The following ATP10B variants were observed in gnomAD, a reference collection of about 807,000 sequenced individuals.
The protein encoded by ATP10B is phospholipid-transporting ATPase VB.
In ATP10B, 122 loss-of-function variants were observed where a neutral mutation model predicts 141.2. That is an observed-to-expected ratio of 0.86 (90% confidence interval 0.75 to 1.00). ATP10B has a LOEUF of 1.00. Among genes scored for constraint, ATP10B ranks in the 50% least tolerant of loss-of-function variants. ATP10B has a pLI of 0.00. For synonymous variants in ATP10B, 685 were observed against 692.0 expected, an observed-to-expected ratio of 0.99 and a Z score of 0.16; for missense variants, 1,876 against 1,825.3, an observed-to-expected ratio of 1.03 and a Z score of -0.51.
the ATP10B span, among the ~76,000 whole-genome samples, chr5:160,870,128 A>G: frequency 6.6e-6 from 1 of 152,098 alleles, no homozygotes; most frequent in Non-Finnish European, 1.5e-5. Context: ...GAGAAGAAAA[A>G]TACCTAATTC....
At chr5:160,882,312 T>C in the ATP10B span, among the ~76,000 whole-genome samples, 1 of 152,178 alleles carries the variant, frequency 6.6e-6, no homozygotes, top group African/African-American at 2.4e-5. Flanking sequence ...TATGCCATTC[T>C]GGTGGGGGAT....
chr5:160,686,035 C>A, intron 6 of ATP10B, 44 bp downstream of exon 6: 1 of 1,437,886 alleles, frequency 7.0e-7, no homozygotes, highest in Non-Finnish European at 9.3e-7. Context: ...GATGAGTTTG[C>A]CTAACCCATT....
chr5:160,726,243 G>T (rs985406915), intron 2 of ATP10B, among the ~76,000 whole-genome samples: 1 of 152,174 alleles, frequency 6.6e-6, no homozygotes, highest in Non-Finnish European at 1.5e-5. Context: ...GGATAAGTGC[G>T]GGGTTTTTCT....
In ATP10B at chr5:160,565,590, A is replaced by C; in HGVS notation, c.4249T>G (p.Ser1417Ala). The change falls in exon 26 of 26, where the codon TCC (serine) becomes GCC (alanine). Residue 1417 changes from serine to alanine, a missense_variant. Transcript: ENST00000327245. ...CMRDDSCSGD[S>A]SAQLSSGEHL... ...TCCCCGGATGAGAGTTGAGCTGAGG[A>C]GTCCCCTGAGCATGAGTCATCCCTC... The C allele has an allele frequency of 1.9e-6, 3 of 1,614,116 alleles. No individual in the cohort carries two copies. Among genetic ancestry groups the C allele is most frequent in the East Asian group, 2.2e-5 (1 of 44,852 alleles).
rs149749889 is a variant in ATP10B, at chr5:160,787,813, G to A, written c.-575-2010C>T. 2.8e-4 allele frequency among the ~76,000 whole-genome samples: 43 copies of A among 152,212 alleles called. 1 individual carries two copies. In the South Asian group the frequency reaches 3.1e-3, roughly 11 times the overall value. ...TCCCTGTCTATCAAATAAGGAAGCC[G>A]TGTGTGCTAGATCAGAAGTTATAAA... On this transcript the variant is annotated intron_variant, in intron 1 of 25. Coordinates refer to ENST00000327245, the MANE Select transcript of ATP10B (RefSeq NM_025153.3).
At chr5:160,657,041 C>T (rs553637716) in intron 7 of ATP10B, among the ~76,000 whole-genome samples, 16 of 152,198 alleles carry the variant, frequency 1.1e-4, no homozygotes, top group African/African-American at 2.9e-4. Flanking sequence ...AGCAAAATGG[C>T]GGCACTGACC....
chr5:160,925,295 TA>T, the ATP10B span, among the ~76,000 whole-genome samples: 2 of 152,204 alleles, frequency 1.3e-5, no homozygotes, highest in African/African-American at 4.8e-5. Flanking sequence ...GAGGGAAAAG[TA>T]GCAGCAGCAG....
At chr5:160,718,502 TTATTTAGC>T (rs1765788495) in intron 2 of ATP10B, among the ~76,000 whole-genome samples, 1 of 152,168 alleles carries the variant, frequency 6.6e-6, no homozygotes, top group Non-Finnish European at 1.5e-5. Flanking sequence ...GAAAAGAAGT[TTATTTAGC>T]TTATAGTTTT....
At chr5:160,719,623 C>T (rs569897205) in intron 2 of ATP10B, among the ~76,000 whole-genome samples, 4 of 152,078 alleles carry the variant, frequency 2.6e-5, no homozygotes, top group South Asian at 4.2e-4. Flanking sequence ...TCAAGAGATC[C>T]GTATGTAAAG....
chr5:160,656,133 C>T (rs577949473), intron 7 of ATP10B, among the ~76,000 whole-genome samples: 3 of 152,210 alleles, frequency 2.0e-5, no homozygotes, highest in South Asian at 2.1e-4. Context: ...AATTAATGAT[C>T]GAATTGATCA....
intron 6 of ATP10B, among the ~76,000 whole-genome samples, chr5:160,671,969 C>CTTTTTTTTTTTTTTT (rs70990741): frequency 2.9e-5 from 2 of 68,388 alleles, no homozygotes; most frequent in Non-Finnish European, 4.8e-5. Context: ...GCAATGCATC[C>CTTTTTTTTTTTTTTT]TTTTTTTTTT....
intron 2 of ATP10B, among the ~76,000 whole-genome samples, chr5:160,718,773 C>T (rs1765802745): frequency 6.6e-6 from 1 of 152,102 alleles, no homozygotes; most frequent in South Asian, 2.1e-4. Context: ...GGGATCCGAC[C>T]CCATGGCCCA....
chr5:160,880,600 A>G, the ATP10B span, among the ~76,000 whole-genome samples: 89,138 of 152,044 alleles, frequency 0.59, 28,875 homozygotes, highest in East Asian at 0.85. Context: ...TCAACAGCAC[A>G]GAGTGGAGAG....
chr5:160,602,756 G>T, intron 20 of ATP10B, 54 bp from the exon 21 acceptor site: 1 of 1,610,148 alleles, frequency 6.2e-7, no homozygotes, highest in Non-Finnish European at 8.5e-7. Flanking sequence ...CAGTGCCCCA[G>T]AGGGACTCTC....
chr5:160,640,349 G>A, intron 10 of ATP10B, 112 bp downstream of exon 10: 1 of 1,220,194 alleles, frequency 8.2e-7, no homozygotes, highest in Admixed American at 2.3e-5. Flanking sequence ...CGTTAAAGTG[G>A]GCAGGGTAGG....
Position 160,704,914 on chromosome 5 carries a change from C to CTTTTTTTTTTTTTTTTTTTTTTTTT in ATP10B, c.-205+11994_-205+11995insAAAAAAAAAAAAAAAAAAAAAAAAA, listed in dbSNP as rs1170629163. ...TGCTAGCTTCCAACATTTCTTTCAT[C>CTTTTTTTTTTTTTTTTTTTTTTTTT]TTTTTTTTTTTTTTTTTTTTTGTTG... On this transcript the variant is annotated intron_variant, in intron 3 of 25. Coordinates refer to ENST00000327245, the MANE Select transcript of ATP10B (RefSeq NM_025153.3). 2.3e-3 allele frequency among the ~76,000 whole-genome samples: 192 copies of CTTTTTTTTTTTTTTTTTTTTTTTTT among 83,634 alleles called. 8 individuals carry two copies. The highest frequency in any genetic ancestry group is 4.2e-3 in the African/African-American group (72 of 17,230). 54.9% of individuals were successfully genotyped at this position (83,634 alleles called of 152,430 possible).
At chr5:160,605,867 CT>C (rs768113723) in intron 19 of ATP10B, among the ~76,000 whole-genome samples, 45 of 152,146 alleles carry the variant, frequency 3.0e-4, no homozygotes, top group Non-Finnish European at 1.2e-4. Flanking sequence ...TCATGGTCTA[CT>C]GAGGAGGCCA....
chr5:160,756,629 C>T (rs187160963), intron 2 of ATP10B, among the ~76,000 whole-genome samples: 17 of 151,974 alleles, frequency 1.1e-4, no homozygotes, highest in Admixed American at 2.0e-4. Flanking sequence ...AACAATGTTG[C>T]GCTTTTCATG....
chr5:160,623,881 T>C (rs1296240733), intron 13 of ATP10B, among the ~76,000 whole-genome samples: 1 of 152,228 alleles, frequency 6.6e-6, no homozygotes, highest in Non-Finnish European at 1.5e-5. Flanking sequence ...TGTCCTTGTT[T>C]AATCTCTCTA....
Sources: gnomAD v4.1 joint callset for allele counts (sites outside exome capture counted in the v4.1 genomes callset) on GRCh38, gnomAD v4.1.1 for gene constraint, MANE v1.5 for transcripts, NCBI Gene and HGNC (gene_info 2026-07-23, HGNC 2026-07-21) for gene names.